The following CD276 variants were observed in gnomAD, a reference collection of about 807,000 sequenced individuals.
CD276 encodes CD276 molecule.
CD276 carries 34 observed loss-of-function variants against 50.0 expected under a neutral mutation model. That is an observed-to-expected ratio of 0.68 (90% CI 0.52 to 0.91). The LOEUF is 0.91. Ranked by LOEUF, CD276 falls within the 40% of genes least tolerant of loss-of-function variation. The pLI, the probability that CD276 is intolerant of heterozygous loss-of-function variation, is 0.00. For synonymous variants in CD276, 275 were observed against 313.0 expected, an observed-to-expected ratio of 0.88 and a Z score of 1.28; for missense variants, 634 against 717.5, an observed-to-expected ratio of 0.88 and a Z score of 1.33.
chr15:73,712,325 CT>C (rs1248000202), intron 9 of CD276, among the ~76,000 whole-genome samples: 1 of 152,182 alleles, frequency 6.6e-6, no homozygotes, highest in Non-Finnish European at 1.5e-5. Flanking sequence ...TGGGGGAGCT[CT>C]TCTCCTCTCC....
At chr15:73,700,021 C>T (rs190243953) in intron 2 of CD276, among the ~76,000 whole-genome samples, 3 of 152,292 alleles carry the variant, frequency 2.0e-5, no homozygotes, top group East Asian at 1.9e-4. Context: ...TGCCCCTAAA[C>T]GTCTGCATGA....
Position 73,687,378 on chromosome 15 carries a change from A to G in CD276, c.-55+2918A>G, listed in dbSNP as rs1184397922. 6.6e-6 allele frequency among the ~76,000 whole-genome samples: 1 copy of G among 152,182 alleles called. No individual in the cohort carries two copies. Among genetic ancestry groups the G allele is most frequent in the Non-Finnish European group, 1.5e-5 (1 of 68,030 alleles). ...ATGCCCAAAGACACACAGCCGGCAA[A>G]TGGTGGAGCTGGGCTGTTGTCTGCT... On this transcript the variant is annotated intron_variant, in intron 1 of 9. Transcript: ENST00000318443. This position sits in a 1 kb window ranked among gnomAD's most constrained non-coding sequence, Gnocchi z 4.0.
At chr15:73,691,404 T>G (rs944779911) in intron 1 of CD276, among the ~76,000 whole-genome samples, 1 of 152,234 alleles carries the variant, frequency 6.6e-6, no homozygotes. Context: ...CATTTATTGC[T>G]AACAGTCCCA....
Position 73,702,544 on chromosome 15 carries a change from C to G in CD276, c.369C>G (p.Phe123Leu). The change falls in exon 3 of 10, where the codon TTC (phenylalanine) becomes TTG (leucine). Residue 123 changes from phenylalanine to leucine, a missense_variant. Phe to Leu is a conservative substitution (Grantham distance 22). Coordinates refer to ENST00000318443, the MANE Select transcript of CD276 (RefSeq NM_001024736.2). ...CGGACGAGGGCAGCTTCACCTGCTT[C>G]GTGAGCATCCGGGATTTCGGCAGCG... ...RVADEGSFTC[F>L]VSIRDFGSAA... 1 of 1,611,876 alleles carries G rather than the reference C, an allele frequency of 6.2e-7. No homozygotes were observed. Among genetic ancestry groups the G allele is most frequent in the Non-Finnish European group, 8.5e-7 (1 of 1,179,820 alleles).
At chr15:73,705,863 T>C (rs555102702) in intron 6 of CD276, among the ~76,000 whole-genome samples, 2 of 152,270 alleles carry the variant, frequency 1.3e-5, no homozygotes, top group East Asian at 3.9e-4. Context: ...AAAGGACTTA[T>C]GAGTATAAAT....
At chr15:73,696,892 A>G (rs1900199825) in intron 1 of CD276, among the ~76,000 whole-genome samples, 1 of 152,046 alleles carries the variant, frequency 6.6e-6, no homozygotes, top group African/African-American at 2.4e-5. Context: ...GAGAGGAGCA[A>G]GCAGGGCCAG....
chr15:73,686,216 T>C (rs2141528508), intron 1 of CD276: 1 of 746,154 alleles, frequency 1.3e-6, no homozygotes. Flanking sequence ...TCCATGTCCT[T>C]ATGGCATTAC....
At chr15:73,685,040 G>A (rs2141525697) in intron 1 of CD276, 1 of 152,792 alleles carries the variant, frequency 6.5e-6, no homozygotes, top group African/African-American at 2.4e-5. Context: ...CACTTCCACA[G>A]GCAGCCGTGG....
chr15:73,713,004 T>G lies in CD276; in HGVS notation c.*48T>G, dbSNP rs996526810. On this transcript the variant is annotated 3_prime_UTR_variant, in exon 10 of 10. Coordinates refer to ENST00000318443, the MANE Select transcript of CD276 (RefSeq NM_001024736.2). ...ACCCCTCCCTACAGCTCCTACCCTCTGGCTGCAATGGGGCTGCACTGTGAG... is the reference window on the plus strand; with the variant it reads ...ACCCCTCCCTACAGCTCCTACCCTCGGGCTGCAATGGGGCTGCACTGTGAG... The G allele has an allele frequency of 1.9e-6, 3 of 1,582,638 alleles. No homozygotes were observed. The highest frequency in any genetic ancestry group is 2.6e-6 in the Non-Finnish European group (3 of 1,152,756).
intron 9 of CD276, among the ~76,000 whole-genome samples, chr15:73,712,641 A>C (rs1267536509): frequency 1.3e-5 from 2 of 152,202 alleles, no homozygotes; most frequent in African/African-American, 2.4e-5. Context: ...AAAGTGTTGC[A>C]CGTAGAGGGA....
chr15:73,707,335 G>C (rs1038739981), intron 6 of CD276, among the ~76,000 whole-genome samples: 4 of 152,230 alleles, frequency 2.6e-5, no homozygotes, highest in African/African-American at 9.6e-5. Context: ...GGCTGGGCTA[G>C]AGGATGGTAT....
rs1242393651 is a variant in CD276 at position 73,709,724 on chromosome 15, G to C, written c.1546+35G>C. ...AACTTGGAGCTGGCCCTCTTGGCTGGGAGAGGGACATATGGGAAAGGAGAG... is the reference window on the plus strand; with the variant it reads ...AACTTGGAGCTGGCCCTCTTGGCTGCGAGAGGGACATATGGGAAAGGAGAG... On this transcript the variant is annotated intron_variant, in intron 8 of 9. Transcript: ENST00000318443. The C allele has an allele frequency of 3.7e-6, 6 of 1,600,156 alleles. No individual in the cohort carries two copies. The African/African-American group carries it at 6.8e-5, about 18-fold the overall frequency.
chr15:73,684,420 G>C lies in CD276; in HGVS notation c.-95G>C, dbSNP rs1439664296. On this transcript the variant is annotated 5_prime_UTR_variant, in exon 1 of 10. Coordinates refer to ENST00000318443, the MANE Select transcript of CD276 (RefSeq NM_001024736.2). ...CCTCGCTGCGGCGGCGACTGAGCCA[G>C]GCTGGGCCGCGTCCCTGAGTCCCAG... 3.9e-5 allele frequency: 6 copies of C among 152,132 alleles called. No homozygotes were observed. Among genetic ancestry groups the C allele is most frequent in the African/African-American group, 1.4e-4 (6 of 41,516 alleles). The allele number at this position is 152,132 out of a possible 1,614,324, so 9.4% of individuals were successfully genotyped here.
Position 73,714,202 on chromosome 15 carries a change from A to T in CD276, c.*1246A>T, listed in dbSNP as rs2141443714. 4.3e-6 allele frequency: 1 copy of T among 230,470 alleles called. No homozygotes were observed. Among genetic ancestry groups the T allele is most frequent in the Non-Finnish European group, 8.4e-6 (1 of 118,940 alleles). 14.3% of individuals were successfully genotyped at this position (230,470 alleles called of 1,614,324 possible). A position where few individuals can be genotyped will look rare whatever the true frequency, so the allele number is the denominator to read the frequency against. On this transcript the variant is annotated 3_prime_UTR_variant, in exon 10 of 10. Coordinates refer to ENST00000318443, the MANE Select transcript of CD276 (RefSeq NM_001024736.2). ...GTGGGCAGGCACCAAGGCCCTCTGG[A>T]CCTTTCATAGCAGCAGAAAAGGCAG...
intron 1 of CD276, among the ~76,000 whole-genome samples, chr15:73,691,729 T>A (rs181595449): frequency 1.3e-5 from 2 of 152,326 alleles, no homozygotes; most frequent in East Asian, 3.9e-4. Flanking sequence ...GCAAAATAAC[T>A]GTGTTAAGAC....
In CD276 at chr15:73,702,956, G is replaced by A; in HGVS notation, c.603G>A (p.Leu201=). 1 of 1,614,206 alleles carries A rather than the reference G, an allele frequency of 6.2e-7. No homozygotes were observed. The highest frequency in any genetic ancestry group is 2.2e-5 in the East Asian group (1 of 44,880). Residue 201 remains leucine (L), a synonymous_variant, in exon 4 of 10, where the codon TTG becomes TTA. Coordinates refer to ENST00000318443, the MANE Select transcript of CD276 (RefSeq NM_001024736.2). The part of the protein sequence containing the change: ...TTSQMANEQG[L]FDVHSILRVV... ...CGCAGATGGCCAACGAGCAGGGCTTGTTTGATGTGCACAGCATCCTGCGGG... is the reference window on the plus strand; with the variant it reads ...CGCAGATGGCCAACGAGCAGGGCTTATTTGATGTGCACAGCATCCTGCGGG...
At position 73,687,381 on chromosome 15, in the gene CD276, G is replaced by A. The variant is rs921909944; in HGVS notation, c.-55+2921G>A. Among the ~76,000 whole-genome samples, 31 of 152,210 alleles carry A rather than the reference G, an allele frequency of 2.0e-4. No homozygotes were observed. Among genetic ancestry groups the A allele is most frequent in the African/African-American group, 7.0e-4 (29 of 41,438 alleles). On this transcript the variant is annotated intron_variant, in intron 1 of 9. Transcript: ENST00000318443. The surrounding 1 kb of genome is among the most constrained non-coding windows in gnomAD (Gnocchi z 4.0). Reference sequence around the variant, plus strand: ...CCCAAAGACACACAGCCGGCAAATGGTGGAGCTGGGCTGTTGTCTGCTTCC... The same window carrying A: ...CCCAAAGACACACAGCCGGCAAATGATGGAGCTGGGCTGTTGTCTGCTTCC...
At chr15:73,706,154 G>A (rs1195244504) in intron 6 of CD276, among the ~76,000 whole-genome samples, 1 of 152,218 alleles carries the variant, frequency 6.6e-6, no homozygotes, top group African/African-American at 2.4e-5. Context: ...GGAGGCTGGG[G>A]CAAGAGAATT....
chr15:73,684,682 T>C (rs930234367), intron 1 of CD276: 1 of 151,978 alleles, frequency 6.6e-6, no homozygotes, highest in African/African-American at 2.4e-5. Flanking sequence ...TGCCCTGGGC[T>C]GTGGGGCCCG....
Sources: allele counts gnomAD v4.1 joint callset (sites outside exome capture counted in the v4.1 genomes callset), GRCh38; gene constraint gnomAD v4.1.1; non-coding constraint Gnocchi (gnomAD v3.1); transcripts MANE v1.5; gene names NCBI Gene and HGNC (gene_info 2026-07-23, HGNC 2026-07-21).